The following MYO16 variants were observed in gnomAD, a reference collection of about 807,000 sequenced individuals.
MYO16 encodes the protein myosin XVI.
Under a neutral mutation model 205.3 loss-of-function variants are expected in MYO16, and 94 were observed. That is an observed-to-expected ratio of 0.46 (90% CI 0.39 to 0.54). The LOEUF is 0.54. Among genes scored for constraint, MYO16 ranks in the 20% least tolerant of loss-of-function variants. The pLI, the probability that MYO16 is intolerant of heterozygous loss-of-function variation, is 0.00. For synonymous variants in MYO16, 988 were observed against 954.0 expected (o/e 1.04, Z -0.66); for missense variants, 2,315 against 2,387.5 (o/e 0.97, Z 0.63).
intron 3 of MYO16, among the ~76,000 whole-genome samples, chr13:108,721,429 G>T (rs1049011180): frequency 6.6e-6 from 1 of 152,156 alleles, no homozygotes; most frequent in Non-Finnish European, 1.5e-5. Context: ...GACATTTTGG[G>T]GTTCTTATGT....
chr13:108,849,666 T>TGTC (rs1877735269), intron 10 of MYO16, among the ~76,000 whole-genome samples: 1 of 128,046 alleles, frequency 7.8e-6, no homozygotes, highest in Non-Finnish European at 1.6e-5. Context: ...TGTGTGTGTG[T>TGTC]AACTTATCCA....
chr13:108,809,629 G>A lies in MYO16; in HGVS notation c.867+2825G>A, dbSNP rs561073747. Among the ~76,000 whole-genome samples, 12 of 152,282 alleles carry A rather than the reference G, an allele frequency of 7.9e-5. No individual in the cohort carries two copies. In the East Asian group the frequency reaches 1.2e-3, roughly 15 times the overall value. On this transcript the variant is annotated intron_variant, in intron 7 of 34. Transcript: ENST00000457511. ...ATCTTTTGAGAACTCACTCATTATC[G>A]TGAGGACAGCACTGAACCATGAGAC...
the MYO16 span, among the ~76,000 whole-genome samples, chr13:108,522,210 AAATTCTTCCCTGTT>A: frequency 6.6e-6 from 1 of 152,220 alleles, no homozygotes; most frequent in South Asian, 2.1e-4. Context: ...GGAGACCCCC[AAATTCTTCCCTGTT>A]CAGAAAGCAA....
At chr13:108,534,863 CCTT>C in the MYO16 span, among the ~76,000 whole-genome samples, 7 of 149,274 alleles carry the variant, frequency 4.7e-5, no homozygotes, top group African/African-American at 1.2e-4. Context: ...TCTTCCTCCT[CCTT>C]CTTCTCCTTC....
In MYO16 at chr13:109,151,148, T is replaced by G. The variant is rs573806657; in HGVS notation, c.5164+9772T>G. On this transcript the variant is annotated intron_variant, in intron 32 of 34. Transcript: ENST00000457511. ...TGACTTCAGTCATTTTTATGATTAATCCCCAGATTAGCCTACAAAATTTCA... is the reference window on the plus strand; with the variant it reads ...TGACTTCAGTCATTTTTATGATTAAGCCCCAGATTAGCCTACAAAATTTCA... Among the ~76,000 whole-genome samples the G allele has an allele frequency of 1.5e-4, 23 of 152,292 alleles. No homozygotes were observed. In the South Asian group the frequency reaches 4.8e-3, roughly 32 times the overall value.
chr13:108,527,488 C>T, the MYO16 span, among the ~76,000 whole-genome samples: 2 of 152,106 alleles, frequency 1.3e-5, no homozygotes, highest in African/African-American at 2.4e-5. Flanking sequence ...GGTTTGTAAC[C>T]TCTGGCTTCA....
intron 1 of MYO16, among the ~76,000 whole-genome samples, chr13:108,645,219 T>C (rs897978720): frequency 6.6e-5 from 10 of 152,330 alleles, no homozygotes; most frequent in African/African-American, 2.4e-4. Flanking sequence ...CAAACTTACA[T>C]TGATAAGATC....
chr13:108,868,400 A>G (rs1235032236), intron 12 of MYO16, among the ~76,000 whole-genome samples: 2 of 152,200 alleles, frequency 1.3e-5, no homozygotes, highest in Non-Finnish European at 2.9e-5. Context: ...ACATTTTCAC[A>G]TAATTACTGT....
chr13:109,023,350 T>C (rs1221765904), intron 23 of MYO16, among the ~76,000 whole-genome samples: 4 of 71,620 alleles, frequency 5.6e-5, no homozygotes, highest in African/African-American at 1.7e-4. Flanking sequence ...TATTTATATA[T>C]TATACAGATA....
chr13:109,063,034 G>T (rs754312001), intron 27 of MYO16, among the ~76,000 whole-genome samples: 17 of 152,112 alleles, frequency 1.1e-4, no homozygotes, highest in Non-Finnish European at 1.8e-4. Flanking sequence ...AAAATGTCCA[G>T]TTTTGCCGTT....
At position 108,991,261 on chromosome 13, in the gene MYO16, A is replaced by T. The variant is rs552243520; in HGVS notation, c.2370-1115A>T. Among the ~76,000 whole-genome samples the T allele has an allele frequency of 5.3e-5, 8 of 152,208 alleles. No individual in the cohort carries two copies. In the East Asian group the frequency reaches 1.5e-3, roughly 29 times the overall value. ...ACCATTGCTAGAGTGGCTGTCATTG[A>T]CTTGGGCCTGTCTTACATCTTTCCT... On this transcript the variant is annotated intron_variant, in intron 20 of 34. Coordinates refer to ENST00000457511, the MANE Select transcript of MYO16 (RefSeq NM_001198950.3).
intron 9 of MYO16, among the ~76,000 whole-genome samples, chr13:108,842,809 G>A (rs554740060): frequency 6.6e-5 from 10 of 152,104 alleles, no homozygotes; most frequent in Non-Finnish European, 8.8e-5. Flanking sequence ...ACTGTCCCAT[G>A]TTCATTTCAG....
intron 16 of MYO16, among the ~76,000 whole-genome samples, chr13:108,934,368 T>C (rs78608079): frequency 0.011 from 1,623 of 152,336 alleles, 33 homozygotes; most frequent in African/African-American, 0.037. Flanking sequence ...TTTTTTCTTA[T>C]GATTGTTGGC....
intron 14 of MYO16, among the ~76,000 whole-genome samples, chr13:108,892,296 G>T (rs1880213647): frequency 6.6e-6 from 1 of 152,046 alleles, no homozygotes; most frequent in Non-Finnish European, 1.5e-5. Flanking sequence ...ACCCAGGCTG[G>T]AGTATAGTGG....
intron 4 of MYO16, among the ~76,000 whole-genome samples, chr13:108,730,482 C>A (rs994667978): frequency 6.6e-6 from 1 of 152,016 alleles, no homozygotes; most frequent in Non-Finnish European, 1.5e-5. Context: ...ACACTTAGAC[C>A]ACCTTGAGCA....
At chr13:108,667,769 G>T (rs1315875572) in intron 2 of MYO16, among the ~76,000 whole-genome samples, 3 of 152,190 alleles carry the variant, frequency 2.0e-5, no homozygotes, top group African/African-American at 2.4e-5. Flanking sequence ...ATTGGTGCCA[G>T]GTATGGTGGC....
At chr13:108,962,991 C>G (rs1212878881) in intron 19 of MYO16, among the ~76,000 whole-genome samples, 2 of 152,178 alleles carry the variant, frequency 1.3e-5, no homozygotes, top group African/African-American at 2.4e-5. Context: ...AACTAAAATT[C>G]AAATAAGTTA....
At chr13:108,951,522 A>G (rs1883149630) in intron 16 of MYO16, among the ~76,000 whole-genome samples, 1 of 152,186 alleles carries the variant, frequency 6.6e-6, no homozygotes, top group African/African-American at 2.4e-5. Context: ...AAATTATGTT[A>G]TTAAGTGGCA....
At chr13:108,981,563 C>T (rs1028404857) in intron 20 of MYO16, among the ~76,000 whole-genome samples, 1 of 152,244 alleles carries the variant, frequency 6.6e-6, no homozygotes, top group South Asian at 2.1e-4. Flanking sequence ...TGACCCCTGT[C>T]ACTGCCATGT....
Sources: gnomAD v4.1 joint callset for allele counts (sites outside exome capture counted in the v4.1 genomes callset) on GRCh38, gnomAD v4.1.1 for gene constraint, MANE v1.5 for transcripts, NCBI Gene and HGNC (gene_info 2026-07-23, HGNC 2026-07-21) for gene names.